ZNFX1: variants seen among roughly 807,000 people sequenced by gnomAD.
ZNFX1 encodes the protein NFX1-type zinc finger-containing protein 1.
A neutral mutation model predicts 179.8 loss-of-function variants in ZNFX1; 78 were observed. The ratio of observed to expected loss-of-function variants is 0.43; its 90% CI spans 0.36 to 0.52. ZNFX1 has a LOEUF of 0.52. ZNFX1 is among the 20% of genes least tolerant of loss of function. The pLI, the probability that ZNFX1 is intolerant of heterozygous loss-of-function variation, is 0.00. For missense variants in ZNFX1, 1,927 were observed against 2,386.6 expected, an observed-to-expected ratio of 0.81 and a Z score of 4.01; for synonymous variants, 848 against 868.5, an observed-to-expected ratio of 0.98 and a Z score of 0.42.
At position 49,259,236 on chromosome 20, in the gene ZNFX1, A is replaced by G. The variant is rs186498964; in HGVS notation, c.2416+1227T>C. ...GTAAATATGTAATATAAAGGATAATAAAAATATATAAAATGAATACCCAAG... is the reference window on the plus strand; with the variant it reads ...GTAAATATGTAATATAAAGGATAATGAAAATATATAAAATGAATACCCAAG... On this transcript the variant is annotated intron_variant, in intron 7 of 13. Transcript: ENST00000396105. Among the ~76,000 whole-genome samples the G allele has an allele frequency of 1.4e-3, 219 of 152,212 alleles. 2 individuals are homozygous for G. The highest frequency in any genetic ancestry group is 5.0e-3 in the African/African-American group (206 of 41,570).
chr20:49,261,836 C>T (rs527764031), intron 6 of ZNFX1, among the ~76,000 whole-genome samples: 17 of 151,160 alleles, frequency 1.1e-4, no homozygotes, highest in African/African-American at 3.2e-4. Context: ...TTAGTAGAGA[C>T]GGGGTTTCAG....
In ZNFX1 at chr20:49,249,605, A is replaced by C; in HGVS notation, c.3419T>G (p.Leu1140Arg). 6.2e-7 allele frequency: 1 copy of C among 1,614,270 alleles called. No individual in the cohort carries two copies. Among genetic ancestry groups the C allele is most frequent in the Non-Finnish European group, 8.5e-7 (1 of 1,180,056 alleles). ...TTCCTGGCACAGGAAGTACTTGCAC[A>C]GCTCTACCACAAAGTGAGCCTCATG... ...NQHEAHFVVELCKYFLCQEYL... is the reference protein window; with the variant it reads ...NQHEAHFVVERCKYFLCQEYL... Residue 1140 changes from leucine to arginine, a missense_variant, in exon 14 of 14, where the codon CTG (leucine) becomes CGG (arginine). Physicochemically the swap from Leu to Arg is moderately radical, Grantham distance 102. Coordinates refer to ENST00000396105, the MANE Select transcript of ZNFX1 (RefSeq NM_021035.3).
chr20:49,272,614 T>C (rs1600998264), intron 2 of ZNFX1, among the ~76,000 whole-genome samples: 1 of 152,226 alleles, frequency 6.6e-6, no homozygotes, highest in South Asian at 2.1e-4. Flanking sequence ...AGGGGGCCAC[T>C]GGTTCTACCA....
chr20:49,246,427 T>A lies in ZNFX1; in HGVS notation c.*840A>T, dbSNP rs1980673546. 6.2e-6 allele frequency: 1 copy of A among 160,918 alleles called. No homozygotes were observed. Among genetic ancestry groups the A allele is most frequent in the Non-Finnish European group, 1.4e-5 (1 of 73,612 alleles). The allele number at this position is 160,918 out of a possible 1,614,324, so 10.0% of individuals were successfully genotyped here. On this transcript the variant is annotated 3_prime_UTR_variant, in exon 14 of 14. Transcript: ENST00000396105. ...GTGTCAGGGTGAGTTGGTGCAGTCTTTTGTCTTATCACGTGCCTCCATCTC... is the reference window on the plus strand; with the variant it reads ...GTGTCAGGGTGAGTTGGTGCAGTCTATTGTCTTATCACGTGCCTCCATCTC...
intron 9 of ZNFX1, among the ~76,000 whole-genome samples, chr20:49,255,220 T>G (rs957201418): frequency 7.9e-5 from 12 of 152,106 alleles, no homozygotes; most frequent in Non-Finnish European, 1.0e-4. Context: ...ATTTTTTGTG[T>G]TTTTAGTAGA....
intron 12 of ZNFX1, 45 bp from the exon 13 acceptor site, chr20:49,251,667 C>A: frequency 1.3e-6 from 2 of 1,511,498 alleles, no homozygotes; most frequent in African/African-American, 1.4e-5. Context: ...GCAGAGCACA[C>A]ACGGACAATT....
In ZNFX1 at chr20:49,249,526, G is replaced by A. The variant is rs34059789; in HGVS notation, c.3498C>T (p.Cys1166=). 7.4e-4 allele frequency: 1,190 copies of A among 1,614,224 alleles called. 8 individuals are homozygous for A. The highest frequency in any genetic ancestry group is 6.6e-3 in the South Asian group (600 of 91,086). The part of the protein sequence containing the change: ...ILTTYTGQLF[C]LRKLMPAKTF... ...TCTTGGCAGGCATCAGTTTGCGCAG[G>A]CAGAAGAGCTGCCCGGTATAGGTAG... Residue 1166 remains cysteine, a synonymous_variant, in exon 14 of 14, where the codon TGC becomes TGT. Transcript: ENST00000396105.
intron 3 of ZNFX1, among the ~76,000 whole-genome samples, chr20:49,266,578 A>T (rs238180): frequency 0.68 from 102,936 of 150,476 alleles, 36,183 homozygotes; most frequent in Non-Finnish European, 0.78. Context: ...AGTAACAGAC[A>T]ATTTTTACCA....
Position 49,254,481 on chromosome 20 carries a change from C to T in ZNFX1, c.2959+14G>A, listed in dbSNP as rs755327898. The T allele has an allele frequency of 1.2e-6, 2 of 1,612,434 alleles. No individual in the cohort carries two copies. Among genetic ancestry groups the T allele is most frequent in the South Asian group, 2.2e-5 (2 of 91,034 alleles). On this transcript the variant is annotated intron_variant, in intron 10 of 13. Coordinates refer to ENST00000396105, the MANE Select transcript of ZNFX1 (RefSeq NM_021035.3). Reference sequence around the variant, plus strand: ...ACTTAGATGCAACAGGCAAATTTCTCCACAGTTTCTTACCTGTGGTTGTCA... The same window carrying T: ...ACTTAGATGCAACAGGCAAATTTCTTCACAGTTTCTTACCTGTGGTTGTCA...
In ZNFX1 at chr20:49,252,790, A is replaced by C; in HGVS notation, c.3146T>G (p.Phe1049Cys). ...SANVYDLAKN[F>C]NLEVSLFERL... is the part of the protein sequence containing the mutation. ...TTCAAAAAGGGACACCTCAAGGTTG[A>C]AGTTCTTGGCCAGATCATACACGTT... Residue 1049 changes from phenylalanine (F) to cysteine (C), a missense_variant, in exon 12 of 14, where the codon TTC (phenylalanine) becomes TGC (cysteine). Phe to Cys is a radical substitution (Grantham distance 205, BLOSUM62 -2). Transcript: ENST00000396105. The C allele has an allele frequency of 6.2e-7, 1 of 1,614,160 alleles. No individual in the cohort carries two copies. Among genetic ancestry groups the C allele is most frequent in the Non-Finnish European group, 8.5e-7 (1 of 1,180,010 alleles).
chr20:49,254,436 T>C (rs1183480981), intron 10 of ZNFX1, 59 bp downstream of exon 10: 1 of 1,595,038 alleles, frequency 6.3e-7, no homozygotes, highest in African/African-American at 1.3e-5. Context: ...TGTCCTTAGA[T>C]AATCTGGCAC....
chr20:49,273,200 T>C (rs943045382), intron 2 of ZNFX1, among the ~76,000 whole-genome samples: 3 of 152,154 alleles, frequency 2.0e-5, no homozygotes, highest in Non-Finnish European at 2.9e-5. Context: ...TGGCATGATC[T>C]TGGCTCACTG....
At chr20:49,252,946 A>G (rs1434082184) in intron 11 of ZNFX1, 116 bp from the exon 12 acceptor site, 8 of 745,990 alleles carry the variant, frequency 1.1e-5, no homozygotes, top group Non-Finnish European at 1.9e-5. Flanking sequence ...TGTGCCAGGC[A>G]CTATTCTACA....
chr20:49,268,077 G>A (rs779401980), intron 3 of ZNFX1, among the ~76,000 whole-genome samples: 15 of 151,954 alleles, frequency 9.9e-5, no homozygotes, highest in Admixed American at 6.6e-4. Context: ...GGGTTTCGTC[G>A]TGTTAGCCAG....
At position 49,264,712 on chromosome 20, in the gene ZNFX1, T is replaced by G; in HGVS notation, c.2151+4A>C. 6.2e-7 allele frequency: 1 copy of G among 1,613,620 alleles called. No homozygotes were observed. The highest frequency in any genetic ancestry group is 8.5e-7 in the Non-Finnish European group (1 of 1,179,966). ...ACCCCAGATATTTCAGAGCTGGGAC[T>G]TACACTCATGTAGGCCCTTCGGAGG... On this transcript the variant is annotated splice_donor_region_variant and intron_variant, in intron 5 of 13. Coordinates refer to ENST00000396105, the MANE Select transcript of ZNFX1 (RefSeq NM_021035.3).
Position 49,249,518 on chromosome 20 carries a change from T to C in ZNFX1, c.3506A>G (p.Lys1169Arg). 2 of 1,614,224 alleles carry C rather than the reference T, an allele frequency of 1.2e-6. No individual in the cohort carries two copies. Among genetic ancestry groups the C allele is most frequent in the Non-Finnish European group, 1.7e-6 (2 of 1,180,042 alleles). Residue 1169 changes from lysine (K) to arginine (R), a missense_variant, in exon 14 of 14, where the codon AAA (lysine) becomes AGA (arginine). Lys to Arg is a conservative substitution (Grantham distance 26). Transcript: ENST00000396105. ...AGCAAATGTCTTGGCAGGCATCAGT[T>C]TGCGCAGGCAGAAGAGCTGCCCGGT... is the stretch of plus-strand genomic sequence containing the variant. Reference protein sequence around the residue: ...TYTGQLFCLRKLMPAKTFAGV... With the variant: ...TYTGQLFCLRRLMPAKTFAGV...
In ZNFX1 at chr20:49,248,975, T is replaced by C. The variant is rs751718170; in HGVS notation, c.4049A>G (p.Lys1350Arg). ...TTCATGGCCGCACCGAGGAATGGTT[T>C]TGGGCACCTTCACCTGACAAGGCTG... ...ECQPCQVKVP[K>R]TIPRCGHEQM... Residue 1350 changes from lysine to arginine, a missense_variant, in exon 14 of 14, where the codon AAA (lysine) becomes AGA (arginine). Transcript: ENST00000396105. This position sits in a 1 kb window ranked among gnomAD's most constrained non-coding sequence, Gnocchi z 4.6. 1 of 1,614,076 alleles carries C rather than the reference T, an allele frequency of 6.2e-7. No homozygotes were observed. Among genetic ancestry groups the C allele is most frequent in the Non-Finnish European group, 8.5e-7 (1 of 1,180,042 alleles).
intron 1 of ZNFX1, among the ~76,000 whole-genome samples, chr20:49,277,547 A>T (rs1981609500): frequency 7.0e-6 from 1 of 142,936 alleles, no homozygotes; most frequent in African/African-American, 2.7e-5. Context: ...AGACAGGGGT[A>T]GGGGCAGAGG....
At position 49,257,579 on chromosome 20, in the gene ZNFX1, T is replaced by C; in HGVS notation, c.2502A>G (p.Ala834=). 6.2e-7 allele frequency: 1 copy of C among 1,614,046 alleles called. No individual in the cohort carries two copies. Among genetic ancestry groups the C allele is most frequent in the Non-Finnish European group, 8.5e-7 (1 of 1,180,024 alleles). Residue 834 remains alanine, a synonymous_variant, in exon 8 of 14, where the codon GCA becomes GCG. Transcript: ENST00000396105. ...EIAEEADLIQ[A]DRVIEEEEVV... is the part of the protein sequence containing the mutation. ...CCTCTTCCTCCTCAATCACCCGGTC[T>C]GCTTGAATCAGGTCAGCTTCCTCTG... is the stretch of plus-strand genomic sequence containing the variant.
Sources: gnomAD v4.1 joint callset for allele counts (sites outside exome capture counted in the v4.1 genomes callset) on GRCh38, gnomAD v4.1.1 for gene constraint, Gnocchi (gnomAD v3.1) non-coding constraint, MANE v1.5 for transcripts, NCBI Gene and HGNC (gene_info 2026-07-23, HGNC 2026-07-21) for gene names.